Variants in GRIN2B observed in about 807,000 individuals in gnomAD.
GRIN2B encodes the protein glutamate receptor ionotropic, NMDA 2B.
In GRIN2B, 5 loss-of-function variants were observed where a neutral mutation model predicts 114.5. The observed-to-expected ratio is 0.04, with a 90% CI of 0.02 to 0.09. The LOEUF is 0.09. GRIN2B is among the 10% of genes least tolerant of loss of function. GRIN2B has a pLI of 1.00. For synonymous variants in GRIN2B, 787 were observed against 745.1 expected, an observed-to-expected ratio of 1.06 and a Z score of -0.92; for missense variants, 1,108 against 1,943.5, an observed-to-expected ratio of 0.57 and a Z score of 8.08.
At chr12:13,837,330 C>A (rs899348648) in intron 3 of GRIN2B, among the ~76,000 whole-genome samples, 2 of 152,344 alleles carry the variant, frequency 1.3e-5, no homozygotes, top group South Asian at 4.1e-4. Context: ...ACATGCATGT[C>A]CTGGCCCAAA....
chr12:13,862,232 T>C (rs925233739), intron 3 of GRIN2B, among the ~76,000 whole-genome samples: 10 of 152,218 alleles, frequency 6.6e-5, no homozygotes, highest in African/African-American at 2.4e-4. Context: ...CACATGCTAT[T>C]TGACGAGGTG....
intron 3 of GRIN2B, among the ~76,000 whole-genome samples, chr12:13,848,878 T>A (rs1215358531): frequency 6.6e-6 from 1 of 152,138 alleles, no homozygotes; most frequent in Non-Finnish European, 1.5e-5. Flanking sequence ...GCTGAGTAGT[T>A]TTCATAACAA....
At chr12:13,945,706 A>G (rs1376714325) in intron 2 of GRIN2B, among the ~76,000 whole-genome samples, 2 of 152,194 alleles carry the variant, frequency 1.3e-5, no homozygotes, top group East Asian at 1.9e-4. Flanking sequence ...AAGCAACAGT[A>G]CAAAGGCAGT....
At chr12:13,654,430 CA>C (rs1949844216) in intron 5 of GRIN2B, among the ~76,000 whole-genome samples, 1 of 152,056 alleles carries the variant, frequency 6.6e-6, no homozygotes, top group South Asian at 2.1e-4. Context: ...TATGAAAAAC[CA>C]AAGTGAAAAT....
At chr12:13,578,192 A>G (rs547108140) in intron 10 of GRIN2B, among the ~76,000 whole-genome samples, 1 of 152,266 alleles carries the variant, frequency 6.6e-6, no homozygotes, top group African/African-American at 2.4e-5. Context: ...TCGGTTGACT[A>G]AAGTCTGCCA....
At chr12:13,841,204 G>A (rs1350981940) in intron 3 of GRIN2B, among the ~76,000 whole-genome samples, 1 of 152,136 alleles carries the variant, frequency 6.6e-6, no homozygotes, top group Non-Finnish European at 1.5e-5. Flanking sequence ...TATGGCTGAA[G>A]AAGCTGAGAC....
chr12:13,675,668 C>G, intron 5 of GRIN2B, 77 bp downstream of exon 5: 10 of 866,590 alleles, frequency 1.2e-5, no homozygotes, highest in Non-Finnish European at 1.8e-5. Context: ...AGCCAAAGGA[C>G]TACTTTCCTT....
chr12:13,959,293 C>G (rs902288770), intron 2 of GRIN2B, among the ~76,000 whole-genome samples: 6 of 152,094 alleles, frequency 3.9e-5, no homozygotes, highest in African/African-American at 1.4e-4. Context: ...TAGGTGAACG[C>G]CCAGAGACTG....
intron 5 of GRIN2B, among the ~76,000 whole-genome samples, chr12:13,649,508 C>A (rs1949795379): frequency 1.3e-5 from 2 of 152,050 alleles, no homozygotes; most frequent in East Asian, 3.9e-4. Flanking sequence ...ACTTTTTTTA[C>A]TACAGGAATC....
chr12:13,636,772 G>T lies in GRIN2B; in HGVS notation c.1126-20115C>A, dbSNP rs149262209. On this transcript the variant is annotated intron_variant, in intron 5 of 13. Coordinates refer to ENST00000609686, the MANE Select transcript of GRIN2B (RefSeq NM_000834.5). Reference sequence around the variant, plus strand: ...CAGACAGCTTCAAATCAAAGCCCAGGTCTGCTAGTGATGAACTGTATGACC... The same window carrying T: ...CAGACAGCTTCAAATCAAAGCCCAGTTCTGCTAGTGATGAACTGTATGACC... 7.0e-3 allele frequency among the ~76,000 whole-genome samples: 1,059 copies of T among 152,258 alleles called. 6 individuals are homozygous for T. Among genetic ancestry groups the T allele is most frequent in the Middle Eastern group, 0.024 (7 of 294 alleles).
At chr12:13,772,774 GT>G (rs200380456) in intron 3 of GRIN2B, among the ~76,000 whole-genome samples, 1 of 151,396 alleles carries the variant, frequency 6.6e-6, no homozygotes, top group Non-Finnish European at 1.5e-5. Flanking sequence ...CTTGTAAGAG[GT>G]TTTTTTTTCT....
chr12:13,737,044 A>G (rs200254444), intron 4 of GRIN2B, among the ~76,000 whole-genome samples: 8 of 145,732 alleles, frequency 5.5e-5, no homozygotes, highest in African/African-American at 7.5e-5. Context: ...AAAAAAAAAA[A>G]AAGAAGAAGA....
chr12:13,909,115 A>C (rs947080940), intron 2 of GRIN2B, among the ~76,000 whole-genome samples: 4 of 152,220 alleles, frequency 2.6e-5, no homozygotes, highest in Non-Finnish European at 5.9e-5. Flanking sequence ...AGCTCATCAA[A>C]GCCAATGATC....
In GRIN2B at chr12:13,565,398, C is replaced by CTGTT. The variant is rs1948625585; in HGVS notation, c.2599-763_2599-760dup. Reference sequence around the variant, plus strand: ...CTCTCATTTATTCTCTCTTTAGCTCCTGTTTTCCTTCTTATACTTTCTCAC... The same window carrying CTGTT: ...CTCTCATTTATTCTCTCTTTAGCTCCTGTTTGTTTTCCTTCTTATACTTTCTCAC... On this transcript the variant is annotated intron_variant, in intron 13 of 13. Transcript: ENST00000609686. Among the ~76,000 whole-genome samples, 4 of 152,300 alleles carry CTGTT rather than the reference C, an allele frequency of 2.6e-5. No individual in the cohort carries two copies. In the South Asian group the frequency reaches 8.3e-4, roughly 32 times the overall value.
At chr12:13,869,841 A>G (rs557070856) in intron 2 of GRIN2B, among the ~76,000 whole-genome samples, 1 of 152,308 alleles carries the variant, frequency 6.6e-6, no homozygotes, top group South Asian at 2.1e-4. Flanking sequence ...TGGGCGAGTC[A>G]CCTAATTACC....
At chr12:13,855,836 AC>A (rs1865652377) in intron 3 of GRIN2B, among the ~76,000 whole-genome samples, 1 of 152,226 alleles carries the variant, frequency 6.6e-6, no homozygotes, top group Non-Finnish European at 1.5e-5. Context: ...TTGAAGGATC[AC>A]CATGCTACCC....
chr12:13,910,122 C>T (rs1433969677), intron 2 of GRIN2B, among the ~76,000 whole-genome samples: 1 of 152,092 alleles, frequency 6.6e-6, no homozygotes, highest in African/African-American at 2.4e-5. Flanking sequence ...TATTTCATTA[C>T]TGACAAATAT....
Position 13,564,491 on chromosome 12 carries a change from C to G in GRIN2B, c.2747G>C (p.Gly916Ala). Residue 916 changes from glycine to alanine, a missense_variant, in exon 14 of 14, where the codon GGC (glycine) becomes GCC (alanine). Coordinates refer to ENST00000609686, the MANE Select transcript of GRIN2B (RefSeq NM_000834.5). This position sits in a 1 kb window ranked among gnomAD's most constrained non-coding sequence, Gnocchi z 4.8. ...GAAGTCCAGGGCGCTCTGCGGTGAG[C>G]CATTCACACCAGACAGGTTAGCCAT... ...KNMANLSGVN[G>A]SPQSALDFIR... The G allele has an allele frequency of 6.2e-7, 1 of 1,614,196 alleles. No homozygotes were observed.
intron 3 of GRIN2B, among the ~76,000 whole-genome samples, chr12:13,801,496 A>G (rs910053082): frequency 2.0e-5 from 3 of 152,162 alleles, no homozygotes; most frequent in Admixed American, 1.3e-4. Flanking sequence ...AGGACAGAGA[A>G]ACTTGTACTG....
Sources: gnomAD v4.1 joint callset for allele counts (sites outside exome capture counted in the v4.1 genomes callset) on GRCh38, gnomAD v4.1.1 for gene constraint, Gnocchi (gnomAD v3.1) non-coding constraint, MANE v1.5 for transcripts, NCBI Gene and HGNC (gene_info 2026-07-23, HGNC 2026-07-21) for gene names.